The following REXO5 variants were observed in gnomAD, a reference collection of about 807,000 sequenced individuals.
REXO5 encodes the protein exonuclease NEF-sp.
A neutral mutation model predicts 88.5 loss-of-function variants in REXO5; 48 were observed. The ratio of observed to expected loss-of-function variants is 0.54; its 90% CI spans 0.43 to 0.69. The LOEUF (loss-of-function observed/expected upper bound fraction) is 0.69, where lower values mean the gene tolerates loss of function less well. Among genes scored for constraint, REXO5 ranks in the 30% least tolerant of loss-of-function variants. The pLI, the probability that REXO5 is intolerant of heterozygous loss-of-function variation, is 0.00. For synonymous variants in REXO5, 311 were observed against 336.5 expected, an observed-to-expected ratio of 0.92 and a Z score of 0.83; for missense variants, 749 against 912.2, an observed-to-expected ratio of 0.82 and a Z score of 2.30.
At position 20,845,237 on chromosome 16, in the gene REXO5, T is replaced by C; in HGVS notation, c.2120T>C (p.Leu707Ser). 6.2e-7 allele frequency: 1 copy of C among 1,611,972 alleles called. No homozygotes were observed. The highest frequency in any genetic ancestry group is 8.5e-7 in the Non-Finnish European group (1 of 1,179,156). The part of the protein sequence containing the change: ...VVPPPFEQEA[L>S]QTLKLDHPKI... ...CCTCCCCCCTTTGAACAGGAGGCCT[T>C]GCAGGTGAGTGAGTGAAGGCGTCTT... is the stretch of plus-strand genomic sequence containing the variant. Residue 707 changes from leucine to serine, a missense_variant, in exon 18 of 20, where the codon TTG (leucine) becomes TCG (serine). Coordinates refer to ENST00000261377, the MANE Select transcript of REXO5 (RefSeq NM_030941.3).
chr16:20,827,890 A>G (rs1325118929), intron 10 of REXO5, among the ~76,000 whole-genome samples: 1 of 152,186 alleles, frequency 6.6e-6, no homozygotes. Context: ...GAAGAATATG[A>G]TAAATCTGTT....
At chr16:20,836,362 C>T (rs1247953002) in intron 13 of REXO5, among the ~76,000 whole-genome samples, 2 of 152,140 alleles carry the variant, frequency 1.3e-5, no homozygotes. Flanking sequence ...TAGAAAGTCA[C>T]ATAGTTGGAA....
Position 20,849,526 on chromosome 16 carries a change from C to A in REXO5, c.*46C>A. On this transcript the variant is annotated 3_prime_UTR_variant, in exon 20 of 20. Coordinates refer to ENST00000261377, the MANE Select transcript of REXO5 (RefSeq NM_030941.3). ...TGTGCCATTTCTTACCCCTTGTAGG[C>A]AATGGCAAAGAATGTGGTCAGGCTG... The A allele has an allele frequency of 1.3e-6, 2 of 1,556,044 alleles. No individual in the cohort carries two copies. The highest frequency in any genetic ancestry group is 1.8e-6 in the Non-Finnish European group (2 of 1,127,382).
chr16:20,837,798 G>C (rs1420749731), intron 13 of REXO5, among the ~76,000 whole-genome samples: 2 of 151,934 alleles, frequency 1.3e-5, no homozygotes, highest in Admixed American at 1.3e-4. Flanking sequence ...ACAGGGTCTT[G>C]CTCTATTGCC....
chr16:20,839,914 A>C, intron 14 of REXO5, 55 bp downstream of exon 14: 59 of 1,075,228 alleles, frequency 5.5e-5, no homozygotes, highest in Middle Eastern at 4.2e-4. Context: ...ATAACCTCTC[A>C]TCATTAAGGA....
chr16:20,846,159 G>A, intron 18 of REXO5, 62 bp from the exon 19 acceptor site: 1 of 1,271,206 alleles, frequency 7.9e-7, no homozygotes, highest in Non-Finnish European at 1.2e-6. Flanking sequence ...GAGTGTTGCA[G>A]CCCTTCCAAA....
In REXO5 at chr16:20,809,192, C is replaced by G. The variant is rs1182417761; in HGVS notation, c.138+2101C>G. Among the ~76,000 whole-genome samples the G allele has an allele frequency of 3.9e-5, 6 of 152,230 alleles. No individual in the cohort carries two copies. The East Asian group carries it at 9.7e-4, about 25-fold the overall frequency. ...AAAGTTGTAAGAATAGTATCAAAAC[C>G]TCCCCTCAACCAACATTTGAAAGTA... On this transcript the variant is annotated intron_variant, in intron 2 of 19. Coordinates refer to ENST00000261377, the MANE Select transcript of REXO5 (RefSeq NM_030941.3).
chr16:20,849,404 A>G lies in REXO5; in HGVS notation c.2249A>G (p.His750Arg), dbSNP rs145051970. The change falls in exon 20 of 20, where the codon CAT (histidine) becomes CGT (arginine). Residue 750 changes from histidine to arginine, a missense_variant. His to Arg is a conservative substitution (Grantham distance 29). Transcript: ENST00000261377. Reference protein sequence around the residue: ...LILLPGTKSTHGSLSGLGLMG... With the variant: ...LILLPGTKSTRGSLSGLGLMG... The stretch of plus-strand genomic sequence containing the variant: ...TTGTTTCTTATTTATTGCAGCACTC[A>G]TGGTTCACTCTCTGGTCTAGGACTG... 1.5e-5 allele frequency: 24 copies of G among 1,613,580 alleles called. No individual in the cohort carries two copies. Among genetic ancestry groups the G allele is most frequent in the Non-Finnish European group, 2.0e-5 (24 of 1,179,632 alleles).
intron 13 of REXO5, among the ~76,000 whole-genome samples, chr16:20,835,884 C>CA (rs974621198): frequency 1.3e-5 from 2 of 151,880 alleles, no homozygotes; most frequent in Non-Finnish European, 2.9e-5. Context: ...ACTGTCGCTA[C>CA]AAAAAATTAG....
chr16:20,830,775 A>G (rs550414768), intron 11 of REXO5, among the ~76,000 whole-genome samples: 1 of 152,140 alleles, frequency 6.6e-6, no homozygotes, highest in South Asian at 2.1e-4. Flanking sequence ...GCTGGTTTTT[A>G]TCTTGCTGTA....
intron 13 of REXO5, among the ~76,000 whole-genome samples, chr16:20,837,425 C>T (rs2081449367): frequency 6.6e-6 from 1 of 152,112 alleles, no homozygotes; most frequent in Non-Finnish European, 1.5e-5. Flanking sequence ...GGTTCCATTG[C>T]TTTAATTTTC....
intron 13 of REXO5, among the ~76,000 whole-genome samples, chr16:20,835,085 G>A (rs1052087688): frequency 1.1e-4 from 16 of 152,130 alleles, no homozygotes; most frequent in Non-Finnish European, 2.1e-4. Context: ...TGTGAGCTTT[G>A]GTCTGAGATG....
chr16:20,808,597 G>A (rs979934082), intron 2 of REXO5, among the ~76,000 whole-genome samples: 5 of 151,250 alleles, frequency 3.3e-5, no homozygotes, highest in African/African-American at 4.9e-5. Flanking sequence ...ATGTGAGAGA[G>A]GGATTAGGGA....
intron 3 of REXO5, 46 bp downstream of exon 3, chr16:20,813,348 T>TTC (rs1567382345): frequency 3.2e-6 from 2 of 622,294 alleles, no homozygotes; most frequent in East Asian, 3.9e-5. Flanking sequence ...CGGTTTCTTT[T>TTC]TTTTTTTTTT....
chr16:20,824,373 TG>T (rs751155781), intron 6 of REXO5, 65 bp from the exon 7 acceptor site: 5 of 885,584 alleles, frequency 5.6e-6, no homozygotes, highest in Non-Finnish European at 9.2e-6. Context: ...TTTACCTGCT[TG>T]AATCTAAGAG....
chr16:20,816,194 C>A lies in REXO5; in HGVS notation c.457C>A (p.Leu153Met), dbSNP rs1386335064. 6.2e-7 allele frequency: 1 copy of A among 1,613,540 alleles called. No homozygotes were observed. Among genetic ancestry groups the A allele is most frequent in the South Asian group, 1.1e-5 (1 of 91,056 alleles). Residue 153 changes from leucine to methionine, a missense_variant, in exon 5 of 20, where the codon CTG becomes ATG. By Grantham distance (15) the Leu-to-Met change is conservative (BLOSUM62 2). Transcript: ENST00000261377. ...GLQTEQRAGD[L>M]PKTMEGPLPS... ...ACAAACTGAACAAAGAGCTGGAGATCTGCCCAAGACAATGGAAGGTATAGC... is the reference window on the plus strand; with the variant it reads ...ACAAACTGAACAAAGAGCTGGAGATATGCCCAAGACAATGGAAGGTATAGC...
At chr16:20,833,669 G>A (rs1392934535) in intron 13 of REXO5, among the ~76,000 whole-genome samples, 1 of 151,932 alleles carries the variant, frequency 6.6e-6, no homozygotes, top group Non-Finnish European at 1.5e-5. Context: ...TATTTTATAT[G>A]TACCCTCATG....
At chr16:20,821,621 T>C (rs761123132) in intron 5 of REXO5, 141 bp from the exon 6 acceptor site, 1 of 656,590 alleles carries the variant, frequency 1.5e-6, no homozygotes, top group Non-Finnish European at 2.3e-6. Flanking sequence ...TTGTAATAGA[T>C]TGCAAGCCCC....
In REXO5 at chr16:20,814,984, G is replaced by T; in HGVS notation, c.309G>T (p.Gln103His). ...ACAACGTAGTGGTTTTTGTTCTGCA[G>T]GGAATGAGTCAGCTACACTTTTACA... is the stretch of plus-strand genomic sequence containing the variant. Reference protein sequence around the residue: ...HLNNVVVFVLQGMSQLHFYRF... With the variant: ...HLNNVVVFVLHGMSQLHFYRF... The change falls in exon 4 of 20, where the codon CAG (glutamine) becomes CAT (histidine). Residue 103 changes from glutamine to histidine, a missense_variant. Transcript: ENST00000261377. 1 of 1,613,838 alleles carries T rather than the reference G, an allele frequency of 6.2e-7. No individual in the cohort carries two copies. The highest frequency in any genetic ancestry group is 1.1e-5 in the South Asian group (1 of 90,994).
Sources: allele counts gnomAD v4.1 joint callset (sites outside exome capture counted in the v4.1 genomes callset), GRCh38; gene constraint gnomAD v4.1.1; transcripts MANE v1.5; gene names NCBI Gene and HGNC (gene_info 2026-07-23, HGNC 2026-07-21).